LSAMP: variants seen among roughly 807,000 people sequenced by gnomAD.
LSAMP encodes the protein limbic system-associated membrane protein.
Under a neutral mutation model 38.6 loss-of-function variants are expected in LSAMP, and 7 were observed. The observed-to-expected ratio is 0.18, with a 90% CI of 0.10 to 0.34. LSAMP has a LOEUF of 0.34. Among genes scored for constraint, LSAMP ranks in the 10% least tolerant of loss-of-function variants. LSAMP has a pLI of 1.00. For missense variants in LSAMP, 313 were observed against 420.0 expected (o/e 0.75, Z 2.23); for synonymous variants, 154 against 166.8 (o/e 0.92, Z 0.59).
At chr3:116,331,185 A>G (rs2047847487) in intron 1 of LSAMP, among the ~76,000 whole-genome samples, 1 of 152,174 alleles carries the variant, frequency 6.6e-6, no homozygotes, top group East Asian at 1.9e-4. Context: ...TGAAGATGGG[A>G]AAATAGAAAC....
At chr3:116,249,380 A>C (rs532655942) in intron 1 of LSAMP, among the ~76,000 whole-genome samples, 1 of 108,186 alleles carries the variant, frequency 9.2e-6, no homozygotes, top group East Asian at 3.1e-4. Context: ...AGACTAGTAG[A>C]AGATTCTATA....
At chr3:116,416,398 C>A (rs994564426) in intron 1 of LSAMP, among the ~76,000 whole-genome samples, 3 of 151,998 alleles carry the variant, frequency 2.0e-5, no homozygotes, top group African/African-American at 7.3e-5. Flanking sequence ...AAACTGAAAA[C>A]CTAGATCATC....
intron 6 of LSAMP, among the ~76,000 whole-genome samples, chr3:115,818,157 G>A (rs1402826754): frequency 4.6e-5 from 7 of 152,164 alleles, no homozygotes; most frequent in Admixed American, 2.6e-4. Context: ...TGAAAGCAAT[G>A]CCTGTATGAC....
At chr3:116,337,346 C>T (rs2047933376) in intron 1 of LSAMP, among the ~76,000 whole-genome samples, 1 of 151,770 alleles carries the variant, frequency 6.6e-6, no homozygotes, top group African/African-American at 2.4e-5. Flanking sequence ...AATAAAAAAC[C>T]TAGGGATAAA....
intron 1 of LSAMP, among the ~76,000 whole-genome samples, chr3:116,108,819 G>A (rs537063887): frequency 9.9e-5 from 15 of 152,214 alleles, no homozygotes; most frequent in East Asian, 3.9e-4. Flanking sequence ...ACGCCTGGCC[G>A]CTGCGGTTCA....
intron 3 of LSAMP, among the ~76,000 whole-genome samples, chr3:115,901,617 G>A (rs567598432): frequency 9.1e-4 from 138 of 152,144 alleles, no homozygotes; most frequent in African/African-American, 3.2e-3. Context: ...CTCAGTAATC[G>A]AAGTCAGAAT....
At chr3:115,956,916 C>T (rs1002621120) in intron 3 of LSAMP, among the ~76,000 whole-genome samples, 23 of 152,178 alleles carry the variant, frequency 1.5e-4, no homozygotes, top group Admixed American at 5.9e-4. Flanking sequence ...GTCATTCCAA[C>T]ATTCTTCAGG....
At chr3:116,015,543 T>G (rs1427072534) in intron 3 of LSAMP, among the ~76,000 whole-genome samples, 1 of 152,146 alleles carries the variant, frequency 6.6e-6, no homozygotes, top group African/African-American at 2.4e-5. Flanking sequence ...CACATCATTT[T>G]GAACTATATA....
At chr3:116,417,189 T>C (rs938799750) in intron 1 of LSAMP, among the ~76,000 whole-genome samples, 3 of 152,162 alleles carry the variant, frequency 2.0e-5, no homozygotes, top group Non-Finnish European at 2.9e-5. Context: ...AAAAGACATC[T>C]TTATCCTGAG....
At chr3:116,112,777 C>G (rs1468880610) in intron 1 of LSAMP, among the ~76,000 whole-genome samples, 1 of 152,148 alleles carries the variant, frequency 6.6e-6, no homozygotes, top group Non-Finnish European at 1.5e-5. Flanking sequence ...CACTGTCTCC[C>G]CAGGGAAACT....
At chr3:116,330,127 AAT>A (rs2047829029) in intron 1 of LSAMP, among the ~76,000 whole-genome samples, 1 of 152,166 alleles carries the variant, frequency 6.6e-6, no homozygotes, top group Non-Finnish European at 1.5e-5. Context: ...AAGCAACAGG[AAT>A]ATGTTTCCTC....
intron 3 of LSAMP, among the ~76,000 whole-genome samples, chr3:115,893,742 G>A (rs1017746800): frequency 6.6e-6 from 1 of 151,920 alleles, no homozygotes. Flanking sequence ...TAAAATGATG[G>A]TAACATTCTC....
At chr3:116,365,836 G>C (rs1226097687) in intron 1 of LSAMP, among the ~76,000 whole-genome samples, 1 of 91,958 alleles carries the variant, frequency 1.1e-5, no homozygotes, top group Non-Finnish European at 2.0e-5. Flanking sequence ...ACACAGGAAG[G>C]GGAATATCAC....
At chr3:115,964,849 A>G (rs529227558) in intron 3 of LSAMP, among the ~76,000 whole-genome samples, 1 of 152,270 alleles carries the variant, frequency 6.6e-6, no homozygotes, top group African/African-American at 2.4e-5. Flanking sequence ...CTGAATCTTT[A>G]GGCATAAAAT....
chr3:116,409,069 T>A (rs1576201258), intron 1 of LSAMP, among the ~76,000 whole-genome samples: 1 of 151,886 alleles, frequency 6.6e-6, no homozygotes, highest in Non-Finnish European at 1.5e-5. Context: ...CTGGGAGGGG[T>A]GTTGGGAGTG....
At chr3:116,060,699 G>T (rs1167437604) in intron 2 of LSAMP, among the ~76,000 whole-genome samples, 1 of 152,186 alleles carries the variant, frequency 6.6e-6, no homozygotes, top group Non-Finnish European at 1.5e-5. Flanking sequence ...GGCAGAGGTT[G>T]CAGTGAGCTG....
At chr3:116,221,826 TGC>T (rs2046289122) in intron 1 of LSAMP, among the ~76,000 whole-genome samples, 1 of 145,240 alleles carries the variant, frequency 6.9e-6, no homozygotes, top group Non-Finnish European at 1.5e-5. Context: ...TGCAACATTC[TGC>T]GTGATCCTAA....
chr3:116,034,893 T>C (rs1411046316), intron 2 of LSAMP, among the ~76,000 whole-genome samples: 1 of 152,110 alleles, frequency 6.6e-6, no homozygotes, highest in Non-Finnish European at 1.5e-5. Context: ...ATTTAACATA[T>C]ATATAGTGTT....
intron 1 of LSAMP, among the ~76,000 whole-genome samples, chr3:116,403,929 AT>A (rs397784042): frequency 8.8e-4 from 129 of 147,016 alleles, no homozygotes; most frequent in East Asian, 2.2e-3. Flanking sequence ...TACTTTTGTA[AT>A]TTTTTTTTTT....
Sources: allele counts gnomAD v4.1 joint callset (sites outside exome capture counted in the v4.1 genomes callset), GRCh38; gene constraint gnomAD v4.1.1; transcripts MANE v1.5; gene names NCBI Gene and HGNC (gene_info 2026-07-23, HGNC 2026-07-21).